Variants in RASA1 observed in about 807,000 individuals in gnomAD.
The protein encoded by RASA1 is RAS p21 protein activator 1.
Under a neutral mutation model 132.2 loss-of-function variants are expected in RASA1, and 25 were observed. The ratio of observed to expected loss-of-function variants is 0.19; its 90% CI spans 0.14 to 0.26. The LOEUF (loss-of-function observed/expected upper bound fraction) is 0.26, where lower values mean the gene tolerates loss of function less well. Ranked by LOEUF, RASA1 falls within the 10% of genes least tolerant of loss-of-function variation. The probability of loss-of-function intolerance (pLI) is 1.00; values close to 1 mark genes in which losing one functional copy is unlikely to be tolerated. For synonymous variants in RASA1, 477 were observed against 449.9 expected (o/e 1.06, Z -0.76); for missense variants, 964 against 1,299.2 (o/e 0.74, Z 3.97).
At chr5:87,385,021 A>G (rs548411115) in intron 21 of RASA1, among the ~76,000 whole-genome samples, 2 of 152,090 alleles carry the variant, frequency 1.3e-5, no homozygotes, top group East Asian at 3.8e-4. Flanking sequence ...CCTTTGAAAT[A>G]GTATCAACCG....
intron 1 of RASA1, among the ~76,000 whole-genome samples, chr5:87,280,692 T>C (rs1039398763): frequency 2.0e-5 from 3 of 152,290 alleles, no homozygotes; most frequent in Admixed American, 2.0e-4. Flanking sequence ...ATTTTCAAAT[T>C]GGATTTTTTT....
At chr5:87,285,763 C>G (rs1486792239) in intron 1 of RASA1, among the ~76,000 whole-genome samples, 3 of 150,848 alleles carry the variant, frequency 2.0e-5, no homozygotes, top group African/African-American at 7.3e-5. Flanking sequence ...GGATCATAGG[C>G]GCACACCACC....
intron 1 of RASA1, among the ~76,000 whole-genome samples, chr5:87,283,849 G>T (rs1391056483): frequency 1.3e-5 from 2 of 152,100 alleles, no homozygotes; most frequent in Non-Finnish European, 2.9e-5. Context: ...AGGAATTAGG[G>T]TGTTATAGCC....
At chr5:87,375,713 A>G (rs1266734467) in intron 15 of RASA1, among the ~76,000 whole-genome samples, 1 of 152,186 alleles carries the variant, frequency 6.6e-6, no homozygotes, top group African/African-American at 2.4e-5. Context: ...CTGCTAAAAC[A>G]GTTGACAGTG....
chr5:87,296,598 G>GT (rs140703544), intron 1 of RASA1, among the ~76,000 whole-genome samples: 3 of 144,822 alleles, frequency 2.1e-5, no homozygotes, highest in Non-Finnish European at 4.5e-5. Flanking sequence ...TTAGGTTCAT[G>GT]TTTTTTTTCT....
Position 87,376,484 on chromosome 5 carries a change from T to G in RASA1, c.2103T>G (p.Ile701Met), listed in dbSNP as rs754813039. 6.2e-7 allele frequency: 1 copy of G among 1,613,964 alleles called. No individual in the cohort carries two copies. The highest frequency in any genetic ancestry group is 8.5e-7 in the Non-Finnish European group (1 of 1,179,990). ...GCTCCCATATACCATTAAAAGGTAT[T>G]GAACCAGGGTCCCTGCGTGTTCGAG... The part of the protein sequence containing the change: ...LLSSHIPLKG[I>M]EPGSLRVRAR... The change falls in exon 16 of 25, where the codon ATT (isoleucine) becomes ATG (methionine). Residue 701 changes from isoleucine to methionine, a missense_variant. Transcript: ENST00000274376.
chr5:87,305,329 C>A (rs924774767), intron 1 of RASA1, among the ~76,000 whole-genome samples: 2 of 152,008 alleles, frequency 1.3e-5, no homozygotes, highest in African/African-American at 4.8e-5. Flanking sequence ...GAATAGAGAA[C>A]CTGGAAATAA....
At chr5:87,369,986 A>C in intron 12 of RASA1, 86 bp downstream of exon 12, 1 of 1,137,170 alleles carries the variant, frequency 8.8e-7, no homozygotes, top group Non-Finnish European at 1.3e-6. Flanking sequence ...GATCGCATTC[A>C]AGATAAAGTG....
intron 6 of RASA1, among the ~76,000 whole-genome samples, chr5:87,343,200 C>T (rs1484464141): frequency 6.6e-6 from 1 of 152,112 alleles, no homozygotes; most frequent in Non-Finnish European, 1.5e-5. Context: ...CTTTCCAGCT[C>T]CCTATTTACA....
chr5:87,297,440 T>G (rs1397207493), intron 1 of RASA1, among the ~76,000 whole-genome samples: 1 of 152,196 alleles, frequency 6.6e-6, no homozygotes, highest in African/African-American at 2.4e-5. Flanking sequence ...AGTTTTTTGG[T>G]GAACCTGTGC....
chr5:87,387,133 T>C (rs1319965577), intron 23 of RASA1, among the ~76,000 whole-genome samples: 1 of 152,196 alleles, frequency 6.6e-6, no homozygotes, highest in African/African-American at 2.4e-5. Context: ...TTGTGGCTTT[T>C]AGACTACTTC....
chr5:87,300,807 C>T (rs190033539), intron 1 of RASA1, among the ~76,000 whole-genome samples: 5 of 152,026 alleles, frequency 3.3e-5, no homozygotes, highest in South Asian at 2.1e-4. Context: ...ACATAGTTAA[C>T]GAACAGAGAA....
intron 8 of RASA1, among the ~76,000 whole-genome samples, chr5:87,350,596 C>T (rs1477434018): frequency 6.6e-6 from 1 of 151,306 alleles, no homozygotes. Context: ...TGGAGGAAGT[C>T]GGTAAAACAT....
intron 1 of RASA1, among the ~76,000 whole-genome samples, chr5:87,283,923 TTGCA>T (rs1426376129): frequency 6.6e-6 from 1 of 152,150 alleles, no homozygotes; most frequent in African/African-American, 2.4e-5. Flanking sequence ...ATTCATGTAC[TTGCA>T]TGCATTCTGG....
chr5:87,273,823 C>T (rs1270416825), intron 1 of RASA1, among the ~76,000 whole-genome samples: 2 of 151,744 alleles, frequency 1.3e-5, no homozygotes, highest in East Asian at 3.9e-4. Context: ...TCTGCCTCCC[C>T]AGTAGCCGGG....
At chr5:87,328,448 T>G (rs1757391286) in intron 1 of RASA1, among the ~76,000 whole-genome samples, 1 of 152,228 alleles carries the variant, frequency 6.6e-6, no homozygotes, top group Non-Finnish European at 1.5e-5. Context: ...CTTGTATTTC[T>G]TTGTAATTTT....
chr5:87,351,013 A>G (rs994597179), intron 8 of RASA1, among the ~76,000 whole-genome samples: 1 of 151,696 alleles, frequency 6.6e-6, no homozygotes, highest in African/African-American at 2.4e-5. Flanking sequence ...TGTTAGATCT[A>G]AATGTATAAA....
chr5:87,339,246 CT>C (rs1356306521), intron 5 of RASA1, among the ~76,000 whole-genome samples: 2 of 152,058 alleles, frequency 1.3e-5, no homozygotes, highest in Non-Finnish European at 2.9e-5. Flanking sequence ...GTAAAACATA[CT>C]GAGTAGAGGT....
chr5:87,338,537 T>TATATATATATA (rs1421369290), intron 5 of RASA1, among the ~76,000 whole-genome samples: 4 of 79,792 alleles, frequency 5.0e-5, no homozygotes, highest in Non-Finnish European at 8.0e-5. Flanking sequence ...ATATATAAAA[T>TATATATATATA]TTTTTTTTTT....
Sources: gnomAD v4.1 joint callset for allele counts (sites outside exome capture counted in the v4.1 genomes callset) on GRCh38, gnomAD v4.1.1 for gene constraint, MANE v1.5 for transcripts, NCBI Gene and HGNC (gene_info 2026-07-23, HGNC 2026-07-21) for gene names.